The following FUT9 variants were observed in gnomAD, a reference collection of about 807,000 sequenced individuals.
The protein encoded by FUT9 is fucosyltransferase 9, also known as 4-galactosyl-N-acetylglucosaminide 3-alpha-L-fucosyltransferase 9.
In FUT9, 15 loss-of-function variants were observed where a neutral mutation model predicts 29.7. The ratio of observed to expected loss-of-function variants is 0.51; its 90% CI spans 0.34 to 0.78. The LOEUF is 0.78. Among genes scored for constraint, FUT9 ranks in the 30% least tolerant of loss-of-function variants. FUT9 has a pLI of 0.01. For missense variants in FUT9, 319 were observed against 425.4 expected, an observed-to-expected ratio of 0.75 and a Z score of 2.20; for synonymous variants, 169 against 153.7, an observed-to-expected ratio of 1.10 and a Z score of -0.74.
intron 2 of FUT9, among the ~76,000 whole-genome samples, chr6:96,120,506 A>C: frequency 6.9e-6 from 1 of 145,502 alleles, no homozygotes; most frequent in Admixed American, 6.9e-5. Flanking sequence ...GATGGTCTCG[A>C]TCTCCTGACC....
intron 2 of FUT9, among the ~76,000 whole-genome samples, chr6:96,126,044 T>C (rs777284478): frequency 5.3e-5 from 8 of 152,202 alleles, no homozygotes; most frequent in Non-Finnish European, 1.0e-4. Context: ...AGGGTTGATA[T>C]GCCTCCCTCC....
intron 2 of FUT9, among the ~76,000 whole-genome samples, chr6:96,197,057 A>T (rs2127990042): frequency 6.6e-6 from 1 of 152,300 alleles, no homozygotes; most frequent in South Asian, 2.1e-4. Context: ...GAGCAGTAGA[A>T]AGTCAGACAG....
intron 1 of FUT9, among the ~76,000 whole-genome samples, chr6:96,042,864 T>C (rs185566528): frequency 6.6e-6 from 1 of 152,324 alleles, no homozygotes; most frequent in Admixed American, 6.5e-5. Context: ...TTATTAAGAC[T>C]TAATTTATTA....
In FUT9 at chr6:96,108,051, G is replaced by A. The variant is rs1252656497; in HGVS notation, c.-97-5988G>A. 2.7e-5 allele frequency among the ~76,000 whole-genome samples: 4 copies of A among 149,630 alleles called. No homozygotes were observed. In the East Asian group the frequency reaches 5.9e-4, roughly 22 times the overall value. On this transcript the variant is annotated intron_variant, in intron 1 of 2. Coordinates refer to ENST00000302103, the MANE Select transcript of FUT9 (RefSeq NM_006581.4). ...GGGGAGATGACCTTTAAATCATCTA[G>A]CTCAGAATTTGTTCCACAATAAAAA...
At position 96,170,460 on chromosome 6, in the gene FUT9, T is replaced by C. The variant is rs149956447; in HGVS notation, c.-8-32688T>C. ...TAAGTTAGGATTATGTACAACAATATATCAAAATCAAACTGTCCTTTTTTT... is the reference window on the plus strand; with the variant it reads ...TAAGTTAGGATTATGTACAACAATACATCAAAATCAAACTGTCCTTTTTTT... On this transcript the variant is annotated intron_variant, in intron 2 of 2. Coordinates refer to ENST00000302103, the MANE Select transcript of FUT9 (RefSeq NM_006581.4). Among the ~76,000 whole-genome samples the C allele has an allele frequency of 2.9e-3, 445 of 152,180 alleles. 2 individuals carry two copies. Among genetic ancestry groups the C allele is most frequent in the African/African-American group, 0.01 (431 of 41,538 alleles).
Position 96,189,920 on chromosome 6 carries a change from T to C in FUT9, c.-8-13228T>C, listed in dbSNP as rs140279268. ...AGCCCATTTACATTTAAAGTTAATA[T>C]TGTTATGTGTAAATTTGATCCTGTC... On this transcript the variant is annotated intron_variant, in intron 2 of 2. Transcript: ENST00000302103. 3.1e-3 allele frequency among the ~76,000 whole-genome samples: 467 copies of C among 152,280 alleles called. 1 individual carries two copies. The highest frequency in any genetic ancestry group is 9.9e-3 in the African/African-American group (413 of 41,560).
chr6:96,097,565 T>C (rs1023920526), intron 1 of FUT9, among the ~76,000 whole-genome samples: 7 of 152,280 alleles, frequency 4.6e-5, no homozygotes, highest in African/African-American at 1.4e-4. Context: ...AGCATACAGA[T>C]GCTGTAGATA....
intron 2 of FUT9, among the ~76,000 whole-genome samples, chr6:96,133,087 C>T (rs1393752091): frequency 6.6e-6 from 1 of 151,796 alleles, no homozygotes; most frequent in Non-Finnish European, 1.5e-5. Flanking sequence ...CCCTCATCCC[C>T]CTCCCACCCT....
intron 2 of FUT9, among the ~76,000 whole-genome samples, chr6:96,176,450 T>C (rs1773207130): frequency 6.6e-6 from 1 of 152,134 alleles, no homozygotes; most frequent in Non-Finnish European, 1.5e-5. Flanking sequence ...AACTCTGTCA[T>C]TGTAGCACAA....
rs879435378 is a variant in FUT9 at position 96,118,317 on chromosome 6, C to CA, written c.-9+4200dup. Among the ~76,000 whole-genome samples, 723 of 146,720 alleles carry CA rather than the reference C, an allele frequency of 4.9e-3. 4 individuals are homozygous for CA. The highest frequency in any genetic ancestry group is 7.6e-3 in the African/African-American group (304 of 39,882). On this transcript the variant is annotated intron_variant, in intron 2 of 2. Transcript: ENST00000302103. ...CTTTAAGGAAATCCTATGCAAGAAC[C>CA]AAAAAAAAAAGAACTACAAAATATA...
rs1031294814 is a variant in FUT9, at chr6:96,138,648, A to T, written c.-9+24521A>T. Reference sequence around the variant, plus strand: ...TATATCATCGTATAGTCTGTCAGCAACTTCGAAGCTGGGCAGCAGCATCCA... The same window carrying T: ...TATATCATCGTATAGTCTGTCAGCATCTTCGAAGCTGGGCAGCAGCATCCA... On this transcript the variant is annotated intron_variant, in intron 2 of 2. Coordinates refer to ENST00000302103, the MANE Select transcript of FUT9 (RefSeq NM_006581.4). Among the ~76,000 whole-genome samples the T allele has an allele frequency of 2.6e-5, 4 of 152,204 alleles. No individual in the cohort carries two copies. The East Asian group carries it at 7.7e-4, about 29-fold the overall frequency.
intron 1 of FUT9, among the ~76,000 whole-genome samples, chr6:96,066,945 A>C (rs1334126074): frequency 6.6e-6 from 1 of 151,912 alleles, no homozygotes; most frequent in Non-Finnish European, 1.5e-5. Context: ...ATGGACCCTA[A>C]AATATGGTTT....
intron 2 of FUT9, among the ~76,000 whole-genome samples, chr6:96,156,009 C>T: frequency 6.6e-6 from 1 of 152,166 alleles, no homozygotes; most frequent in Non-Finnish European, 1.5e-5. Flanking sequence ...CTTCTTCCAA[C>T]ATTTTAATTT....
intron 2 of FUT9, among the ~76,000 whole-genome samples, chr6:96,116,184 A>T (rs1403153426): frequency 2.0e-5 from 3 of 152,202 alleles, no homozygotes; most frequent in African/African-American, 4.8e-5. Context: ...ATATGAGAAG[A>T]TGTTCACTAA....
intron 1 of FUT9, among the ~76,000 whole-genome samples, chr6:96,028,325 C>G (rs980509886): frequency 6.6e-5 from 10 of 151,356 alleles, no homozygotes; most frequent in Non-Finnish European, 1.3e-4. Context: ...ATTGAGTTAA[C>G]TGTTCGACTG....
At chr6:96,196,268 T>G (rs1773622776) in intron 2 of FUT9, among the ~76,000 whole-genome samples, 1 of 152,148 alleles carries the variant, frequency 6.6e-6, no homozygotes. Flanking sequence ...CATAAGAAAC[T>G]TATTTGATCA....
At chr6:96,026,007 T>C (rs1770161295) in intron 1 of FUT9, among the ~76,000 whole-genome samples, 1 of 151,708 alleles carries the variant, frequency 6.6e-6, no homozygotes, top group Admixed American at 6.6e-5. Flanking sequence ...AGGCCCTCAA[T>C]TTAAGGAATG....
intron 2 of FUT9, among the ~76,000 whole-genome samples, chr6:96,149,479 G>T (rs1467613139): frequency 6.6e-6 from 1 of 152,124 alleles, no homozygotes; most frequent in African/African-American, 2.4e-5. Flanking sequence ...TGTTTTCTCA[G>T]TATAACCCTT....
intron 1 of FUT9, among the ~76,000 whole-genome samples, chr6:96,097,632 A>G (rs752668249): frequency 1.3e-5 from 2 of 152,152 alleles, no homozygotes; most frequent in African/African-American, 2.4e-5. Flanking sequence ...ACAAAAACAA[A>G]CAATAACAAA....
Sources: gnomAD v4.1 joint callset for allele counts (sites outside exome capture counted in the v4.1 genomes callset) on GRCh38, gnomAD v4.1.1 for gene constraint, MANE v1.5 for transcripts, NCBI Gene and HGNC (gene_info 2026-07-23, HGNC 2026-07-21) for gene names.